The following COMMD1 variants were observed in gnomAD, a reference collection of about 807,000 sequenced individuals.
COMMD1 encodes the protein COMM domain-containing protein 1.
A neutral mutation model predicts 17.2 loss-of-function variants in COMMD1; 10 were observed. The observed-to-expected ratio is 0.58, with a 90% confidence interval of 0.36 to 0.99. The LOEUF (loss-of-function observed/expected upper bound fraction) is 0.99. Among genes scored for constraint, COMMD1 ranks in the 50% least tolerant of loss-of-function variants. The pLI is 0.01. For missense variants in COMMD1, 270 were observed against 231.8 expected (o/e 1.17, Z -1.07); for synonymous variants, 97 against 91.6 (o/e 1.06, Z -0.34).
intron 2 of COMMD1, among the ~76,000 whole-genome samples, chr2:62,104,236 T>C (rs528995772): frequency 1.3e-5 from 2 of 152,318 alleles, no homozygotes; most frequent in South Asian, 2.1e-4. Flanking sequence ...CTTACGCTTA[T>C]AATCCCAACA....
At chr2:61,919,309 G>T (rs1020772739) in intron 1 of COMMD1, among the ~76,000 whole-genome samples, 2 of 152,128 alleles carry the variant, frequency 1.3e-5, no homozygotes, top group Admixed American at 1.3e-4. Context: ...ACCGTGCCTG[G>T]GCTCGGCCTC....
intron 2 of COMMD1, among the ~76,000 whole-genome samples, chr2:62,044,461 T>G (rs1670325654): frequency 6.6e-6 from 1 of 152,228 alleles, no homozygotes; most frequent in Non-Finnish European, 1.5e-5. Context: ...TGTGTTGACC[T>G]CTGTTTTTTA....
intron 1 of COMMD1, among the ~76,000 whole-genome samples, chr2:61,907,699 T>C (rs1049677130): frequency 6.6e-6 from 1 of 152,030 alleles, no homozygotes. Flanking sequence ...CTTATTTTAT[T>C]TTTATTTTGA....
intron 2 of COMMD1, among the ~76,000 whole-genome samples, chr2:62,101,604 T>C (rs1376862658): frequency 6.7e-6 from 1 of 148,440 alleles, no homozygotes; most frequent in African/African-American, 2.6e-5. Context: ...AACAAGACCC[T>C]GTCTCTCTCT....
intron 2 of COMMD1, among the ~76,000 whole-genome samples, chr2:62,097,818 T>C (rs1442833040): frequency 1.3e-5 from 2 of 152,278 alleles, no homozygotes; most frequent in East Asian, 3.9e-4. Context: ...CGACAAAGGC[T>C]CTGGTATTTT....
chr2:61,966,818 TA>T (rs1671516658), intron 1 of COMMD1, among the ~76,000 whole-genome samples: 1 of 151,784 alleles, frequency 6.6e-6, no homozygotes, highest in African/African-American at 2.4e-5. Context: ...GTTGGGAAAT[TA>T]AAAGTCTGTG....
At chr2:61,936,159 A>G (rs1178180347) in intron 1 of COMMD1, among the ~76,000 whole-genome samples, 1 of 152,010 alleles carries the variant, frequency 6.6e-6, no homozygotes, top group Non-Finnish European at 1.5e-5. Flanking sequence ...TTTACAGATG[A>G]GGGTTATCAG....
intron 2 of COMMD1, among the ~76,000 whole-genome samples, chr2:62,040,038 C>T (rs748849001): frequency 6.6e-6 from 1 of 152,134 alleles, no homozygotes; most frequent in Non-Finnish European, 1.5e-5. Flanking sequence ...TGGGGGATTG[C>T]GTGAGGCCAG....
chr2:62,005,258 A>G (rs1384403484), intron 2 of COMMD1, among the ~76,000 whole-genome samples: 1 of 152,204 alleles, frequency 6.6e-6, no homozygotes, highest in Non-Finnish European at 1.5e-5. Context: ...TATTTTTACA[A>G]CAAGAATTCA....
At chr2:61,990,036 A>G (rs1672205670) in intron 1 of COMMD1, among the ~76,000 whole-genome samples, 1 of 152,230 alleles carries the variant, frequency 6.6e-6, no homozygotes, top group Admixed American at 6.5e-5. Flanking sequence ...AGCCTGAAGA[A>G]AGAGGTGGTA....
chr2:62,121,275 C>G (rs1461873269), intron 2 of COMMD1, among the ~76,000 whole-genome samples: 1 of 142,078 alleles, frequency 7.0e-6, no homozygotes, highest in African/African-American at 2.6e-5. Flanking sequence ...GAGGCTGAGG[C>G]AGGAGAATCA....
At chr2:61,978,917 A>G (rs931329797) in intron 1 of COMMD1, among the ~76,000 whole-genome samples, 1 of 152,208 alleles carries the variant, frequency 6.6e-6, no homozygotes, top group Non-Finnish European at 1.5e-5. Context: ...ATATCAGGGG[A>G]AATGGGATAT....
At chr2:62,051,703 T>C (rs1018194256) in intron 2 of COMMD1, among the ~76,000 whole-genome samples, 3 of 152,244 alleles carry the variant, frequency 2.0e-5, no homozygotes, top group African/African-American at 7.2e-5. Context: ...CCTATAGTTA[T>C]ATCATAATCG....
intron 2 of COMMD1, among the ~76,000 whole-genome samples, chr2:62,091,179 A>G (rs992928487): frequency 6.6e-6 from 1 of 152,116 alleles, no homozygotes; most frequent in African/African-American, 2.4e-5. Context: ...GTATGTTTTC[A>G]TGGTTTGTCT....
At chr2:62,135,463 G>C (rs925481553) in intron 2 of COMMD1, among the ~76,000 whole-genome samples, 2 of 151,554 alleles carry the variant, frequency 1.3e-5, no homozygotes, top group African/African-American at 4.9e-5. Flanking sequence ...CCATTCTCCT[G>C]CCTCAGCCTC....
chr2:61,962,277 A>G (rs1671361495), intron 1 of COMMD1, among the ~76,000 whole-genome samples: 1 of 152,206 alleles, frequency 6.6e-6, no homozygotes, highest in Non-Finnish European at 1.5e-5. Context: ...CCTGTTGTAT[A>G]ATAAAGAATG....
chr2:61,930,692 A>G (rs561936614), intron 1 of COMMD1, among the ~76,000 whole-genome samples: 237 of 151,010 alleles, frequency 1.6e-3, no homozygotes, highest in Non-Finnish European at 2.6e-3. Context: ...CACCAGAATT[A>G]TTTGTATCCA....
intron 2 of COMMD1, among the ~76,000 whole-genome samples, chr2:62,120,823 A>C: frequency 6.6e-6 from 1 of 152,110 alleles, no homozygotes; most frequent in East Asian, 1.9e-4. Context: ...CCTGTGCTCA[A>C]GCAGCCCTCC....
intron 1 of COMMD1, among the ~76,000 whole-genome samples, chr2:61,994,012 A>G (rs1573043763): frequency 1.3e-5 from 2 of 151,442 alleles, no homozygotes; most frequent in South Asian, 2.1e-4. Flanking sequence ...TTCTTGGCGG[A>G]GTCTCGCTCT....
Sources: gnomAD v4.1 joint callset for allele counts (sites outside exome capture counted in the v4.1 genomes callset) on GRCh38, gnomAD v4.1.1 for gene constraint, MANE v1.5 for transcripts, NCBI Gene and HGNC (gene_info 2026-07-23, HGNC 2026-07-21) for gene names.